Variants in ARHGAP8 observed in about 807,000 individuals in gnomAD.
ARHGAP8 encodes the protein rho GTPase-activating protein 8.
A neutral mutation model predicts 46.1 loss-of-function variants in ARHGAP8; 62 were observed. That is an observed-to-expected ratio of 1.34 (90% CI 1.10 to 1.66). The LOEUF is 1.66. Ranked by LOEUF, ARHGAP8 falls within the 40% of genes most tolerant of loss-of-function variation. The pLI, the probability that ARHGAP8 is intolerant of heterozygous loss-of-function variation, is 0.00. For synonymous variants in ARHGAP8, 375 were observed against 243.1 expected (o/e 1.54, Z -5.05); for missense variants, 923 against 568.4 (o/e 1.62, Z -6.34).
intron 1 of ARHGAP8, among the ~76,000 whole-genome samples, chr22:44,770,354 T>G (rs185556221): frequency 4.4e-4 from 67 of 151,266 alleles, no homozygotes; most frequent in African/African-American, 1.5e-3. Flanking sequence ...TGGGTGCAGG[T>G]GGAGTCATCT....
At chr22:44,849,123 T>C in intron 10 of ARHGAP8, 63 bp downstream of exon 10, 2 of 1,604,770 alleles carry the variant, frequency 1.2e-6, no homozygotes, top group Non-Finnish European at 1.7e-6. Flanking sequence ...CCCCAGCTAC[T>C]GGCCCAGGGT....
chr22:44,811,144 G>T (rs1327282958), intron 4 of ARHGAP8, among the ~76,000 whole-genome samples: 1 of 152,234 alleles, frequency 6.6e-6, no homozygotes, highest in Admixed American at 6.5e-5. Flanking sequence ...CGAGGGGGCT[G>T]CTGGTTCGCA....
At chr22:44,780,054 C>T (rs1452725217) in intron 1 of ARHGAP8, among the ~76,000 whole-genome samples, 1 of 152,158 alleles carries the variant, frequency 6.6e-6, no homozygotes, top group South Asian at 2.1e-4. Flanking sequence ...GTGAGCGTGT[C>T]CGGGCTGGAC....
At chr22:44,802,042 G>T in intron 2 of ARHGAP8, 35 bp from the exon 3 acceptor site, 3 of 1,611,198 alleles carry the variant, frequency 1.9e-6, no homozygotes, top group East Asian at 4.5e-5. Context: ...CTAGGAGAAG[G>T]TGGCACAGAG....
At chr22:44,822,525 G>C in intron 6 of ARHGAP8, 56 bp downstream of exon 6, 2 of 1,440,158 alleles carry the variant, frequency 1.4e-6, no homozygotes, top group Non-Finnish European at 1.8e-6. Flanking sequence ...GCTTCCAAAG[G>C]GCTTGGTTCA....
At chr22:44,849,260 G>A in intron 10 of ARHGAP8, 200 bp downstream of exon 10, 1 of 1,036,352 alleles carries the variant, frequency 9.6e-7, no homozygotes, top group Non-Finnish European at 1.4e-6. Flanking sequence ...CTGTCCAAAG[G>A]CAGAGGAGGT....
chr22:44,799,665 A>C (rs1928342577), intron 2 of ARHGAP8, among the ~76,000 whole-genome samples: 1 of 151,512 alleles, frequency 6.6e-6, no homozygotes, highest in Non-Finnish European at 1.5e-5. Context: ...CCCTGTTTTC[A>C]CCCTTGGCAC....
At chr22:44,758,164 T>C (rs964510772) in intron 1 of ARHGAP8, among the ~76,000 whole-genome samples, 1 of 152,108 alleles carries the variant, frequency 6.6e-6, no homozygotes, top group Non-Finnish European at 1.5e-5. Flanking sequence ...TGAAGAGGCA[T>C]CTGAGGCCGG....
chr22:44,834,925 C>T (rs1319721496), intron 7 of ARHGAP8, among the ~76,000 whole-genome samples: 12 of 152,062 alleles, frequency 7.9e-5, no homozygotes, highest in Admixed American at 7.9e-4. Flanking sequence ...GCCATTATAG[C>T]TCTTTTTAGT....
chr22:44,821,158 A>G (rs139776353), intron 5 of ARHGAP8, among the ~76,000 whole-genome samples: 2,136 of 152,302 alleles, frequency 0.014, 35 homozygotes, highest in African/African-American at 0.04. Context: ...TTGGCCAGGC[A>G]CGGTGGCTCA....
chr22:44,844,151 T>C (rs865820851), intron 7 of ARHGAP8, among the ~76,000 whole-genome samples: 5 of 152,142 alleles, frequency 3.3e-5, no homozygotes, highest in African/African-American at 1.2e-4. Flanking sequence ...TTTGCATTTT[T>C]AGTAGAGACG....
chr22:44,793,844 T>TGCTG (rs1354335816), intron 2 of ARHGAP8, among the ~76,000 whole-genome samples: 1 of 152,248 alleles, frequency 6.6e-6, no homozygotes, highest in Admixed American at 6.5e-5. Context: ...GGTTTTGATG[T>TGCTG]GCTGGCCTGT....
At chr22:44,845,785 G>A (rs956393063) in intron 8 of ARHGAP8, among the ~76,000 whole-genome samples, 1 of 152,152 alleles carries the variant, frequency 6.6e-6, no homozygotes, top group African/African-American at 2.4e-5. Context: ...CTTGGAGTGG[G>A]GTGAGCCTTG....
chr22:44,775,459 T>C (rs940028779), intron 1 of ARHGAP8, among the ~76,000 whole-genome samples: 2 of 152,110 alleles, frequency 1.3e-5, no homozygotes, highest in African/African-American at 4.8e-5. Flanking sequence ...TTCTCTTTTT[T>C]TTTTTGAGAC....
chr22:44,852,189 C>CAAAAAA (rs58207915), intron 10 of ARHGAP8, among the ~76,000 whole-genome samples: 2 of 76,032 alleles, frequency 2.6e-5, no homozygotes, highest in African/African-American at 6.1e-5. Flanking sequence ...GAGACTTTGT[C>CAAAAAA]AAAAAAAAAA....
chr22:44,826,491 C>A (rs1233392939), intron 7 of ARHGAP8, among the ~76,000 whole-genome samples: 2 of 152,192 alleles, frequency 1.3e-5, no homozygotes, highest in African/African-American at 4.8e-5. Flanking sequence ...GTGGCACCAT[C>A]TCAGCTCACT....
intron 11 of ARHGAP8, among the ~76,000 whole-genome samples, chr22:44,862,026 G>T (rs1453523438): frequency 6.6e-6 from 1 of 152,206 alleles, no homozygotes; most frequent in Non-Finnish European, 1.5e-5. Context: ...GTGGGGGGTT[G>T]AGGCTGTCAC....
chr22:44,762,480 G>A (rs1366595030), intron 1 of ARHGAP8, among the ~76,000 whole-genome samples: 1 of 151,396 alleles, frequency 6.6e-6, no homozygotes, highest in African/African-American at 2.4e-5. Context: ...CCTGGTTCCT[G>A]GCAGAGCTCC....
At chr22:44,776,627 G>A (rs1384478545) in intron 1 of ARHGAP8, among the ~76,000 whole-genome samples, 1 of 152,084 alleles carries the variant, frequency 6.6e-6, no homozygotes, top group Non-Finnish European at 1.5e-5. Context: ...TTTCATTAAT[G>A]TAAATGGGCC....
Sources: gnomAD v4.1 joint callset for allele counts (sites outside exome capture counted in the v4.1 genomes callset) on GRCh38, gnomAD v4.1.1 for gene constraint, MANE v1.5 for transcripts, NCBI Gene and HGNC (gene_info 2026-07-23, HGNC 2026-07-21) for gene names.